The following JAG1 variants were observed in gnomAD, a reference collection of about 807,000 sequenced individuals.
JAG1 encodes jagged canonical Notch ligand 1.
JAG1 carries 23 observed loss-of-function variants against 148.7 expected under a neutral mutation model. The ratio of observed to expected loss-of-function variants is 0.15; its 90% CI spans 0.11 to 0.22. The LOEUF is 0.22. JAG1 is among the 10% of genes least tolerant of loss of function. The pLI, the probability that JAG1 is intolerant of heterozygous loss-of-function variation, is 1.00. For synonymous variants in JAG1, 572 were observed against 598.3 expected, an observed-to-expected ratio of 0.96 and a Z score of 0.64; for missense variants, 1,054 against 1,611.2, an observed-to-expected ratio of 0.65 and a Z score of 5.92.
chr20:10,649,666 T>C (rs771859707), intron 9 of JAG1, 31 bp from the exon 10 acceptor site: 1 of 1,348,014 alleles, frequency 7.4e-7, no homozygotes, highest in Non-Finnish European at 1.1e-6. Context: ...GCATGAGAAA[T>C]GAAGTTCAAC....
chr20:10,648,793 C>T (rs780582568), intron 11 of JAG1, 71 bp from the exon 12 acceptor site: 19 of 1,448,560 alleles, frequency 1.3e-5, no homozygotes, highest in African/African-American at 8.4e-5. Context: ...AGGGCTTCAG[C>T]GGTTTAGCAT....
At chr20:10,656,318 G>A in intron 5 of JAG1, 80 bp downstream of exon 5, 5 of 1,132,496 alleles carry the variant, frequency 4.4e-6, no homozygotes, top group East Asian at 2.4e-5. Flanking sequence ...GGAAAAAAGA[G>A]GCATAGTCAC....
At chr20:10,641,929 G>A (rs1310173357) in intron 21 of JAG1, 37 bp from the exon 22 acceptor site, 1 of 1,372,170 alleles carries the variant, frequency 7.3e-7, no homozygotes, top group Non-Finnish European at 1.0e-6. Context: ...TTATTTTTCT[G>A]TGAACCGGAT....
At position 10,645,093 on chromosome 20, in the gene JAG1, C is replaced by T. The variant is rs540429229; in HGVS notation, c.2227+50G>A. The T allele has an allele frequency of 1.7e-4, 256 of 1,534,976 alleles. 10 individuals carry two copies. In the South Asian group the frequency reaches 2.3e-3, roughly 14 times the overall value. ...AGCTCCAGGGGCCAACCAGCAGACA[C>T]GCCCAGGTGGCCATGCCCACTGCAG... is the stretch of plus-strand genomic sequence containing the variant. On this transcript the variant is annotated intron_variant, in intron 17 of 25. Coordinates refer to ENST00000254958, the MANE Select transcript of JAG1 (RefSeq NM_000214.3). This position sits in a 1 kb window ranked among gnomAD's most constrained non-coding sequence, Gnocchi z 6.1.
chr20:10,656,736 A>T (rs1264272443), intron 4 of JAG1, among the ~76,000 whole-genome samples: 1 of 152,186 alleles, frequency 6.6e-6, no homozygotes, highest in Non-Finnish European at 1.5e-5. Flanking sequence ...AGCCTCTCTA[A>T]ACCACAGCTA....
chr20:10,664,111 A>G, intron 2 of JAG1, 97 bp from the exon 3 acceptor site: 1 of 929,536 alleles, frequency 1.1e-6, no homozygotes, highest in Middle Eastern at 2.1e-4. Flanking sequence ...ACCAAACAAA[A>G]CCATAATGCC....
chr20:10,665,893 C>T (rs374758300), intron 2 of JAG1, among the ~76,000 whole-genome samples: 13 of 152,142 alleles, frequency 8.5e-5, no homozygotes, highest in South Asian at 2.1e-4. Flanking sequence ...AGAACTTGGA[C>T]GACCAAGCAG....
At chr20:10,664,994 C>A (rs2067443569) in intron 2 of JAG1, among the ~76,000 whole-genome samples, 1 of 152,186 alleles carries the variant, frequency 6.6e-6, no homozygotes, top group African/African-American at 2.4e-5. Context: ...CTTCTGCTAT[C>A]TTGGCACTGA....
At chr20:10,669,460 G>A (rs1256280828) in intron 2 of JAG1, among the ~76,000 whole-genome samples, 2 of 144,492 alleles carry the variant, frequency 1.4e-5, no homozygotes, top group African/African-American at 2.6e-5. Flanking sequence ...GATTAGCATC[G>A]TGGCAATTGG....
chr20:10,648,470 A>AG, intron 12 of JAG1, 79 bp downstream of exon 12: 1 of 1,184,958 alleles, frequency 8.4e-7, no homozygotes, highest in Non-Finnish European at 1.3e-6. Flanking sequence ...ACAAGAGCTG[A>AG]GGGAAAAGTA....
chr20:10,652,615 C>T lies in JAG1; in HGVS notation c.756-17G>A, dbSNP rs1028881264. The T allele has an allele frequency of 6.8e-6, 11 of 1,613,458 alleles. No individual in the cohort carries two copies. Among genetic ancestry groups the T allele is most frequent in the Non-Finnish European group, 9.3e-6 (11 of 1,179,764 alleles). On this transcript the variant is annotated splice_polypyrimidine_tract_variant and intron_variant, in intron 5 of 25. Transcript: ENST00000254958. ...TACTGGCACCTGGAGACACACAGCA[C>T]ACCTCCAGGTTAGCCTTTTGAACGT... is the stretch of plus-strand genomic sequence containing the variant.
chr20:10,641,497 T>A lies in JAG1; in HGVS notation c.2879A>T (p.Asn960Ile). Residue 960 changes from asparagine (N) to isoleucine (I), a missense_variant, in exon 23 of 26, where the codon AAC (asparagine) becomes ATC (isoleucine). Around this residue, in one of 6 missense-constraint regions of JAG1, gnomAD observed 342 missense variants for 514.6 expected, o/e 0.66. Coordinates refer to ENST00000254958, the MANE Select transcript of JAG1 (RefSeq NM_000214.3). Reference sequence around the variant, plus strand: ...CTCCTTGTTAAAGGTAAATGTGATGTTCGCACAGTTATCCTGGTAATAGGA... The same window carrying A: ...CTCCTTGTTAAAGGTAAATGTGATGATCGCACAGTTATCCTGGTAATAGGA... ...SDSYYQDNCA[N>I]ITFTFNKEMM... 6.2e-7 allele frequency: 1 copy of A among 1,614,052 alleles called. No homozygotes were observed. The highest frequency in any genetic ancestry group is 8.5e-7 in the Non-Finnish European group (1 of 1,180,024).
intron 24 of JAG1, 43 bp from the exon 25 acceptor site, chr20:10,640,976 A>G: frequency 1.2e-6 from 2 of 1,613,088 alleles, no homozygotes; most frequent in Non-Finnish European, 1.7e-6. Context: ...AGGAATACTC[A>G]AAGCAGCCTT....
Position 10,648,737 on chromosome 20 carries a change from G to A in JAG1, c.1396-15C>T, listed in dbSNP as rs749797951. 3.7e-6 allele frequency: 6 copies of A among 1,613,178 alleles called. No individual in the cohort carries two copies. The South Asian group carries it at 5.5e-5, about 15-fold the overall frequency. ...TTAACCAAATCCTAGAAGAGGAGAA[G>A]GGGAGAGAGAGACACATGCTTTTTT... is the stretch of plus-strand genomic sequence containing the variant. On this transcript the variant is annotated splice_polypyrimidine_tract_variant and intron_variant, in intron 11 of 25. Transcript: ENST00000254958.
intron 2 of JAG1, among the ~76,000 whole-genome samples, chr20:10,664,413 A>C (rs996937479): frequency 3.7e-5 from 4 of 108,882 alleles, no homozygotes; most frequent in African/African-American, 1.0e-4. Context: ...CACACACACA[A>C]AGAATTTATT....
rs775330440 is a variant in JAG1 at position 10,641,539 on chromosome 20, G to A, written c.2837C>T (p.Thr946Ile). The change falls in exon 23 of 26, where the codon ACA becomes ATA. Residue 946 changes from threonine to isoleucine, a missense_variant. Physicochemically the swap from Thr to Ile is moderately conservative, Grantham distance 89. Transcript: ENST00000254958. ...GTAATAGGAGTCAGAGGTGCACTTT[G>A]TCTTCACCGGCTGGAGACTGGAAGA... is the stretch of plus-strand genomic sequence containing the variant. ...CRSSSLQPVK[T>I]KCTSDSYYQD... 1 of 1,614,234 alleles carries A rather than the reference G, an allele frequency of 6.2e-7. No homozygotes were observed. The highest frequency in any genetic ancestry group is 8.5e-7 in the Non-Finnish European group (1 of 1,180,036).
intron 10 of JAG1, 61 bp from the exon 11 acceptor site, chr20:10,649,168 G>T: frequency 1.8e-6 from 2 of 1,134,208 alleles, no homozygotes; most frequent in South Asian, 1.3e-5. Context: ...GGGCTTAATT[G>T]AAAAGCCTTC....
In JAG1 at chr20:10,664,996, T is replaced by C. The variant is rs187168906; in HGVS notation, c.388-982A>G. 2.0e-5 allele frequency among the ~76,000 whole-genome samples: 3 copies of C among 152,338 alleles called. No homozygotes were observed. The East Asian group carries it at 5.8e-4, about 29-fold the overall frequency. ...CGTTTAAATGAAGCTTCTGCTATCT[T>C]GGCACTGAAGAAATGTACTCAAGGC... On this transcript the variant is annotated intron_variant, in intron 2 of 25. Transcript: ENST00000254958.
At chr20:10,654,768 G>A (rs1229276824) in intron 5 of JAG1, among the ~76,000 whole-genome samples, 2 of 152,198 alleles carry the variant, frequency 1.3e-5, no homozygotes, top group Non-Finnish European at 2.9e-5. Context: ...GGCAGGGAGA[G>A]GGAGGTGGGA....
Sources: allele counts gnomAD v4.1 joint callset (sites outside exome capture counted in the v4.1 genomes callset), GRCh38; gene constraint gnomAD v4.1.1; regional missense constraint gnomAD v4.1.1; non-coding constraint Gnocchi (gnomAD v3.1); transcripts MANE v1.5; gene names NCBI Gene and HGNC (gene_info 2026-07-23, HGNC 2026-07-21).